VAV2: variants seen among roughly 807,000 people sequenced by gnomAD.
The protein encoded by VAV2 is vav guanine nucleotide exchange factor 2.
VAV2 carries 67 observed loss-of-function variants against 132.5 expected under a neutral mutation model. The ratio of observed to expected loss-of-function variants is 0.51; its 90% CI spans 0.42 to 0.62. The LOEUF (loss-of-function observed/expected upper bound fraction) is 0.62. Ranked by LOEUF, VAV2 falls within the 20% of genes least tolerant of loss-of-function variation. The probability of loss-of-function intolerance (pLI) is 0.00; values close to 1 mark genes in which losing one functional copy is unlikely to be tolerated. For missense variants in VAV2, 938 were observed against 1,153.6 expected (o/e 0.81, Z 2.71); for synonymous variants, 492 against 443.5 (o/e 1.11, Z -1.37).
chr9:133,886,960 C>T (rs1295246521), intron 2 of VAV2, among the ~76,000 whole-genome samples: 1 of 152,196 alleles, frequency 6.6e-6, no homozygotes, highest in Non-Finnish European at 1.5e-5. Context: ...CAGGACTTTC[C>T]CAGTCCCATG....
At chr9:133,825,867 G>A (rs17663527) in intron 4 of VAV2, among the ~76,000 whole-genome samples, 14,353 of 152,190 alleles carry the variant, frequency 0.094, 902 homozygotes, top group South Asian at 0.15. Flanking sequence ...GAAAGAAGAC[G>A]TCCAAACCTC....
At position 133,991,010 on chromosome 9, in the gene VAV2, C is replaced by CCA. The variant is rs1191213191; in HGVS notation, c.204+1063_204+1064dup. ...CGCCAAAGGGCAGAGGCCTCGCTGCCCAGCCTGGAATCGCTGGTGACTCAC... is the reference window on the plus strand; with the variant it reads ...CGCCAAAGGGCAGAGGCCTCGCTGCCCACAGCCTGGAATCGCTGGTGACTCAC... On this transcript the variant is annotated intron_variant, in intron 1 of 29. Coordinates refer to ENST00000371850, the MANE Select transcript of VAV2 (RefSeq NM_001134398.2). The surrounding 1 kb of genome is among the most constrained non-coding windows in gnomAD (Gnocchi z 4.8). Among the ~76,000 whole-genome samples, 1 of 152,202 alleles carries CCA rather than the reference C, an allele frequency of 6.6e-6. No individual in the cohort carries two copies. Among genetic ancestry groups the CCA allele is most frequent in the Non-Finnish European group, 1.5e-5 (1 of 68,024 alleles).
intron 1 of VAV2, among the ~76,000 whole-genome samples, chr9:133,974,223 C>A (rs978464208): frequency 6.6e-6 from 1 of 152,168 alleles, no homozygotes; most frequent in East Asian, 1.9e-4. Context: ...GGCTGCCTGT[C>A]TGCCCGGAGC....
intron 2 of VAV2, among the ~76,000 whole-genome samples, chr9:133,880,351 C>T (rs1838442701): frequency 6.6e-6 from 1 of 152,196 alleles, no homozygotes; most frequent in African/African-American, 2.4e-5. Context: ...ACCTGTCAGC[C>T]AGGCTCAGGG....
intron 2 of VAV2, among the ~76,000 whole-genome samples, chr9:133,862,358 CAT>C (rs899231008): frequency 9.2e-5 from 14 of 152,364 alleles, no homozygotes; most frequent in Admixed American, 2.6e-4. Context: ...TTGTCACACA[CAT>C]GAGATGGGCG....
intron 1 of VAV2, among the ~76,000 whole-genome samples, chr9:133,949,526 T>C (rs1262225588): frequency 6.6e-6 from 1 of 152,196 alleles, no homozygotes; most frequent in Non-Finnish European, 1.5e-5. Context: ...GCCCAGCTCA[T>C]GAAAGGAAGA....
chr9:133,791,766 G>A lies in VAV2; in HGVS notation c.1188+17C>T, dbSNP rs1834471707. 3.7e-6 allele frequency: 6 copies of A among 1,609,718 alleles called. No individual in the cohort carries two copies. Among genetic ancestry groups the A allele is most frequent in the Non-Finnish European group, 5.1e-6 (6 of 1,176,000 alleles). On this transcript the variant is annotated intron_variant, in intron 13 of 29. Coordinates refer to ENST00000371850, the MANE Select transcript of VAV2 (RefSeq NM_001134398.2). ...CCTCATCGACCTTCCCTAGCCTGAAGAGTCAGTCTCACTCACCAAATTTTC... is the reference window on the plus strand; with the variant it reads ...CCTCATCGACCTTCCCTAGCCTGAAAAGTCAGTCTCACTCACCAAATTTTC...
chr9:133,861,712 G>A (rs531910219), intron 2 of VAV2, among the ~76,000 whole-genome samples: 1 of 152,342 alleles, frequency 6.6e-6, no homozygotes, highest in East Asian at 1.9e-4. Flanking sequence ...CACCCAGAAA[G>A]GGTCTGTTTT....
In VAV2 at chr9:133,911,515, A is replaced by ACACC. The variant is rs1209185681; in HGVS notation, c.321+27584_321+27587dup. On this transcript the variant is annotated intron_variant, in intron 2 of 29. Coordinates refer to ENST00000371850, the MANE Select transcript of VAV2 (RefSeq NM_001134398.2). ...CATGTCCTTATTTTTACATATGTACACACCCGTGACACTGTCAACACAGTC... is the reference window on the plus strand; with the variant it reads ...CATGTCCTTATTTTTACATATGTACACACCCACCCGTGACACTGTCAACACAGTC... Among the ~76,000 whole-genome samples the ACACC allele has an allele frequency of 2.0e-5, 3 of 152,314 alleles. No homozygotes were observed. The East Asian group carries it at 5.8e-4, about 29-fold the overall frequency.
intron 2 of VAV2, among the ~76,000 whole-genome samples, chr9:133,936,627 A>T (rs1840919945): frequency 6.6e-6 from 1 of 152,204 alleles, no homozygotes. Flanking sequence ...GACTTGTTTT[A>T]AGCGACCGGT....
intron 3 of VAV2, among the ~76,000 whole-genome samples, chr9:133,839,608 T>G (rs1178250384): frequency 1.3e-5 from 2 of 151,756 alleles, no homozygotes; most frequent in African/African-American, 2.4e-5. Flanking sequence ...CACCCCGACG[T>G]CCAGCTAATT....
intron 1 of VAV2, among the ~76,000 whole-genome samples, chr9:133,988,693 G>A (rs989387773): frequency 6.6e-6 from 1 of 152,238 alleles, no homozygotes; most frequent in Non-Finnish European, 1.5e-5. Context: ...GGAGGCTGAG[G>A]CGAGCAGATC....
chr9:133,947,850 C>T lies in VAV2; in HGVS notation c.205-8631G>A, dbSNP rs559429558. 8.6e-5 allele frequency among the ~76,000 whole-genome samples: 13 copies of T among 151,446 alleles called. No individual in the cohort carries two copies. The South Asian group carries it at 1.9e-3, about 22-fold the overall frequency. On this transcript the variant is annotated intron_variant, in intron 1 of 29. Coordinates refer to ENST00000371850, the MANE Select transcript of VAV2 (RefSeq NM_001134398.2). ...CATCAACGAGGCTGGAGTGCAGTGG[C>T]GTGATCTCGGCTCACTGCAACCTTC...
intron 11 of VAV2, 146 bp downstream of exon 11, chr9:133,796,283 G>A (rs984861658): frequency 5.6e-5 from 36 of 638,166 alleles, no homozygotes; most frequent in Admixed American, 1.2e-4. Context: ...TGCATTGAGC[G>A]GTGATTATGA....
At chr9:133,979,111 T>C (rs1276929764) in intron 1 of VAV2, among the ~76,000 whole-genome samples, 3 of 152,084 alleles carry the variant, frequency 2.0e-5, no homozygotes, top group Non-Finnish European at 4.4e-5. Flanking sequence ...TCGGAAGAGC[T>C]TTCGTGCCAG....
At chr9:133,931,497 G>C (rs202003597) in intron 2 of VAV2, among the ~76,000 whole-genome samples, 1 of 34,428 alleles carries the variant, frequency 2.9e-5, no homozygotes, top group Non-Finnish European at 9.8e-5. Context: ...CCTCCCTTCT[G>C]CCCAGCTGCC....
chr9:133,957,490 G>A lies in VAV2; in HGVS notation c.205-18271C>T, dbSNP rs144237503. On this transcript the variant is annotated intron_variant, in intron 1 of 29. Coordinates refer to ENST00000371850, the MANE Select transcript of VAV2 (RefSeq NM_001134398.2). ...GAATAATATGGCATATTGCGTCCTG[G>A]TGCCCCTTCGCTGACAGCACAGGTG... Among the ~76,000 whole-genome samples the A allele has an allele frequency of 1.6e-3, 237 of 152,236 alleles. No individual in the cohort carries two copies. In the Middle Eastern group the frequency reaches 0.02, roughly 13 times the overall value.
intron 2 of VAV2, among the ~76,000 whole-genome samples, chr9:133,916,563 A>G (rs1423445470): frequency 6.6e-6 from 1 of 151,986 alleles, no homozygotes; most frequent in Non-Finnish European, 1.5e-5. Flanking sequence ...TGGGGGTCTC[A>G]CTGGTGATAT....
intron 1 of VAV2, among the ~76,000 whole-genome samples, chr9:133,966,852 C>T (rs1053295153): frequency 6.6e-6 from 1 of 151,858 alleles, no homozygotes; most frequent in Non-Finnish European, 1.5e-5. Flanking sequence ...CTGGCCAACA[C>T]CGTAAACCCT....
Sources: gnomAD v4.1 joint callset for allele counts (sites outside exome capture counted in the v4.1 genomes callset) on GRCh38, gnomAD v4.1.1 for gene constraint, Gnocchi (gnomAD v3.1) non-coding constraint, MANE v1.5 for transcripts, NCBI Gene and HGNC (gene_info 2026-07-23, HGNC 2026-07-21) for gene names.